Variants in FUBP3 observed in about 807,000 individuals in gnomAD.
The protein encoded by FUBP3 is far upstream element-binding protein 3.
A neutral mutation model predicts 85.6 loss-of-function variants in FUBP3; 28 were observed. The observed-to-expected ratio is 0.33, with a 90% confidence interval of 0.24 to 0.45. FUBP3 has a LOEUF of 0.45. FUBP3 is among the 20% of genes least tolerant of loss of function. The probability of loss-of-function intolerance (pLI) is 1.00; values close to 1 mark genes in which losing one functional copy is unlikely to be tolerated. For missense variants in FUBP3, 583 were observed against 755.1 expected (o/e 0.77, Z 2.67); for synonymous variants, 271 against 271.4 (o/e 1.00, Z 0.01).
chr9:130,631,021 A>C (rs1023481185), intron 13 of FUBP3: 1 of 659,668 alleles, frequency 1.5e-6, no homozygotes, highest in East Asian at 3.7e-5. Flanking sequence ...AGGCCGCAGC[A>C]GCCGAGGCCC....
In FUBP3 at chr9:130,635,947, G is replaced by T; in HGVS notation, c.1583-52G>T. The T allele has an allele frequency of 1.3e-6, 2 of 1,588,708 alleles. No homozygotes were observed. Among genetic ancestry groups the T allele is most frequent in the Non-Finnish European group, 1.7e-6 (2 of 1,166,248 alleles). The stretch of plus-strand genomic sequence containing the variant: ...GCCCAGGGCCTTTGGGAAGGGTCCT[G>T]CCCAGTGCACCTCCGCTCCCGATAA... On this transcript the variant is annotated intron_variant, in intron 17 of 18. Coordinates refer to ENST00000319725, the MANE Select transcript of FUBP3 (RefSeq NM_003934.2). This position sits in a 1 kb window ranked among gnomAD's most constrained non-coding sequence, Gnocchi z 4.3.
intron 8 of FUBP3, among the ~76,000 whole-genome samples, chr9:130,620,051 T>C (rs924245384): frequency 1.3e-5 from 2 of 152,154 alleles, no homozygotes; most frequent in African/African-American, 4.8e-5. Flanking sequence ...GATTTAAAAA[T>C]GTAAAAACAC....
intron 1 of FUBP3, among the ~76,000 whole-genome samples, chr9:130,580,060 C>T (rs1021927132): frequency 6.6e-6 from 1 of 152,208 alleles, no homozygotes; most frequent in African/African-American, 2.4e-5. Context: ...CACAGTGTAG[C>T]TAGCGCGGGG....
At chr9:130,584,597 G>A (rs767039592) in intron 1 of FUBP3, among the ~76,000 whole-genome samples, 61 of 152,030 alleles carry the variant, frequency 4.0e-4, no homozygotes, top group Non-Finnish European at 7.9e-4. Context: ...GGCTGGGCAT[G>A]GTGGCTAATG....
Position 130,612,856 on chromosome 9 carries a change from GT to G in FUBP3, c.275-99del, listed in dbSNP as rs1447944403. 3 of 842,718 alleles carry G rather than the reference GT, an allele frequency of 3.6e-6. No individual in the cohort carries two copies. The highest frequency in any genetic ancestry group is 6.1e-6 in the Non-Finnish European group (3 of 494,286). The allele number at this position is 842,718 out of a possible 1,614,324, so 52.2% of individuals were successfully genotyped here. A position where few individuals can be genotyped will look rare whatever the true frequency, so the allele number is the denominator to read the frequency against. Reference sequence around the variant, plus strand: ...GGGGGCCAACTCGATGTGTAGTATTGTGAGCCAAGTGTCACAGTTTGTGGAA... The same window carrying G: ...GGGGGCCAACTCGATGTGTAGTATTGGAGCCAAGTGTCACAGTTTGTGGAA... On this transcript the variant is annotated intron_variant, in intron 4 of 18. Transcript: ENST00000319725. The surrounding 1 kb of genome is among the most constrained non-coding windows in gnomAD (Gnocchi z 4.1).
intron 2 of FUBP3, among the ~76,000 whole-genome samples, chr9:130,596,833 A>G (rs975738396): frequency 5.3e-5 from 8 of 152,272 alleles, no homozygotes; most frequent in Middle Eastern, 3.4e-3. Flanking sequence ...AGATGTTTTG[A>G]TGCAGGCCTG....
At position 130,617,890 on chromosome 9, in the gene FUBP3, G is replaced by A. The variant is rs1292672208; in HGVS notation, c.661G>A (p.Val221Ile). The change falls in exon 8 of 19, where the codon GTA becomes ATA. Residue 221 changes from valine (V) to isoleucine (I), a missense_variant. Around this residue, in one of 3 missense-constraint regions of FUBP3, gnomAD observed 404 missense variants for 516.8 expected, o/e 0.78. Transcript: ENST00000319725. ...TCGTATCACTGGAGATGCATTTAAA[G>A]TACAGGTAGGAAAGTGCCATGGGTT... ...PLRITGDAFK[V>I]QQAREMVLEI... The A allele has an allele frequency of 2.6e-6, 4 of 1,551,332 alleles. No individual in the cohort carries two copies. The highest frequency in any genetic ancestry group is 3.6e-6 in the Non-Finnish European group (4 of 1,124,496).
chr9:130,582,878 C>G (rs780462617), intron 1 of FUBP3, among the ~76,000 whole-genome samples: 2 of 152,206 alleles, frequency 1.3e-5, no homozygotes, highest in Non-Finnish European at 2.9e-5. Flanking sequence ...ACAAGCTGGA[C>G]CAGCTAGCTG....
chr9:130,583,261 T>A (rs1048440348), intron 1 of FUBP3, among the ~76,000 whole-genome samples: 1 of 152,234 alleles, frequency 6.6e-6, no homozygotes, highest in African/African-American at 2.4e-5. Context: ...TGCTGCTGTT[T>A]CACAGTTTAA....
At chr9:130,581,632 T>G (rs577614638) in intron 1 of FUBP3, 4 of 152,268 alleles carry the variant, frequency 2.6e-5, no homozygotes, top group Non-Finnish European at 4.4e-5. Context: ...CATTTGGGTA[T>G]CTGGAAGGTG....
At chr9:130,601,112 C>T (rs1055246547) in intron 2 of FUBP3, among the ~76,000 whole-genome samples, 4 of 152,248 alleles carry the variant, frequency 2.6e-5, no homozygotes, top group Non-Finnish European at 4.4e-5. Flanking sequence ...AAACAGGCAG[C>T]TGGCCCTCAA....
chr9:130,605,602 C>T (rs116157392), intron 2 of FUBP3, among the ~76,000 whole-genome samples: 10 of 152,306 alleles, frequency 6.6e-5, no homozygotes, highest in South Asian at 2.1e-4. Context: ...AGTGGGTTCA[C>T]GCAGGTGAGG....
intron 9 of FUBP3, among the ~76,000 whole-genome samples, chr9:130,622,060 C>T (rs896094477): frequency 4.6e-5 from 7 of 152,056 alleles, no homozygotes; most frequent in African/African-American, 1.7e-4. Flanking sequence ...TGGTGGCTCG[C>T]GCCCATAATC....
chr9:130,621,451 C>A (rs996922336), intron 9 of FUBP3, among the ~76,000 whole-genome samples: 1 of 152,224 alleles, frequency 6.6e-6, no homozygotes, highest in Non-Finnish European at 1.5e-5. Context: ...ACAGTTAACA[C>A]CACTGTAACC....
At chr9:130,584,032 A>G (rs1047615620) in intron 1 of FUBP3, among the ~76,000 whole-genome samples, 3 of 151,944 alleles carry the variant, frequency 2.0e-5, no homozygotes, top group Non-Finnish European at 4.4e-5. Flanking sequence ...CCGTGCCCCC[A>G]TGCCTGGCTG....
chr9:130,626,520 G>A lies in FUBP3; in HGVS notation c.1117+15G>A. On this transcript the variant is annotated intron_variant, in intron 12 of 18. Transcript: ENST00000319725. ...CATAGGCAAAGGTAAGAGGCAGCTGGGGTTTCACATCCCCCCTCAGCTGTT... is the reference window on the plus strand; with the variant it reads ...CATAGGCAAAGGTAAGAGGCAGCTGAGGTTTCACATCCCCCCTCAGCTGTT... The A allele has an allele frequency of 6.2e-7, 1 of 1,612,566 alleles. No homozygotes were observed. The highest frequency in any genetic ancestry group is 8.5e-7 in the Non-Finnish European group (1 of 1,178,790).
chr9:130,580,337 T>G (rs1830081959), intron 1 of FUBP3, among the ~76,000 whole-genome samples: 1 of 152,180 alleles, frequency 6.6e-6, no homozygotes, highest in African/African-American at 2.4e-5. Context: ...GGGAGAATGA[T>G]ATGGCCTCAT....
chr9:130,579,840 C>G, intron 1 of FUBP3, 76 bp downstream of exon 1: 1 of 907,966 alleles, frequency 1.1e-6, no homozygotes, highest in Non-Finnish European at 1.4e-6. Context: ...GGGTTCGGGC[C>G]TGGGGGGCGG....
chr9:130,632,330 C>T (rs999933679), intron 16 of FUBP3, 52 bp downstream of exon 16: 11 of 1,415,972 alleles, frequency 7.8e-6, no homozygotes, highest in Non-Finnish European at 1.1e-5. Flanking sequence ...TTGCGGCCCA[C>T]AGAAGTCCTG....
Sources: allele counts gnomAD v4.1 joint callset (sites outside exome capture counted in the v4.1 genomes callset), GRCh38; gene constraint gnomAD v4.1.1; regional missense constraint gnomAD v4.1.1; non-coding constraint Gnocchi (gnomAD v3.1); transcripts MANE v1.5; gene names NCBI Gene and HGNC (gene_info 2026-07-23, HGNC 2026-07-21).